Variants in TTC6 observed in about 807,000 individuals in gnomAD.
TTC6 encodes tetratricopeptide repeat protein 6.
TTC6 carries 172 observed loss-of-function variants against 210.4 expected under a neutral mutation model. The ratio of observed to expected loss-of-function variants is 0.82; its 90% CI spans 0.72 to 0.93. TTC6 has a LOEUF of 0.93. Among genes scored for constraint, TTC6 ranks in the 40% least tolerant of loss-of-function variants. The pLI is 0.00. For synonymous variants in TTC6, 804 were observed against 819.6 expected, an observed-to-expected ratio of 0.98 and a Z score of 0.32; for missense variants, 2,414 against 2,318.1, an observed-to-expected ratio of 1.04 and a Z score of -0.85.
rs112539010 is a variant in TTC6 at position 37,608,659 on chromosome 14, G to A, written c.-155+1917G>A. ...TTCATCCAATTGGAACTTATTTTGTGCGCAATATGAAGTAAAGACATGATT... is the reference window on the plus strand; with the variant it reads ...TTCATCCAATTGGAACTTATTTTGTACGCAATATGAAGTAAAGACATGATT... On this transcript the variant is annotated intron_variant, in intron 2 of 2. Transcript: ENST00000556845. 2.3e-3 allele frequency among the ~76,000 whole-genome samples: 352 copies of A among 152,242 alleles called. 4 individuals are homozygous for A. Among genetic ancestry groups the A allele is most frequent in the African/African-American group, 8.0e-3 (333 of 41,530 alleles).
chr14:37,704,284 G>A (rs912334447), intron 5 of TTC6, among the ~76,000 whole-genome samples: 17 of 152,090 alleles, frequency 1.1e-4, no homozygotes, highest in African/African-American at 4.1e-4. Flanking sequence ...CGAACTCCTA[G>A]CCTTAAGTGA....
intron 14 of TTC6, among the ~76,000 whole-genome samples, chr14:37,777,971 G>A (rs982827832): frequency 6.6e-5 from 10 of 152,130 alleles, no homozygotes; most frequent in African/African-American, 2.4e-4. Context: ...GGCCCCTTAA[G>A]TTGGGAACCT....
upstream of TTC6, among the ~76,000 whole-genome samples, chr14:37,619,979 A>G (rs554668065): frequency 6.6e-6 from 1 of 152,164 alleles, no homozygotes; most frequent in East Asian, 1.9e-4. Context: ...ATTTAGTTGA[A>G]TCTTTCTTCA....
At chr14:37,699,035 G>T (rs1022730556) in intron 4 of TTC6, among the ~76,000 whole-genome samples, 15 of 152,134 alleles carry the variant, frequency 9.9e-5, no homozygotes, top group African/African-American at 3.4e-4. Context: ...ATATTGAGTG[G>T]TCAGTGGACA....
At chr14:37,779,355 G>A (rs1398721581) in intron 14 of TTC6, among the ~76,000 whole-genome samples, 1 of 132,748 alleles carries the variant, frequency 7.5e-6, no homozygotes, top group African/African-American at 2.8e-5. Flanking sequence ...GTGACTAGTT[G>A]GCCTGCTTAG....
In TTC6 at chr14:37,731,626, A is replaced by C. The variant is rs186561165; in HGVS notation, c.1819-4295A>C. Among the ~76,000 whole-genome samples, 3 of 152,322 alleles carry C rather than the reference A, an allele frequency of 2.0e-5. No individual in the cohort carries two copies. The East Asian group carries it at 5.8e-4, about 29-fold the overall frequency. On this transcript the variant is annotated intron_variant, in intron 7 of 30. Transcript: ENST00000553443. ...GTTATTAGATGCATACAAATGAAGG[A>C]TTGTTAAACATTGTTTATGAGTCAA...
intron 1 of TTC6, among the ~76,000 whole-genome samples, chr14:37,643,489 T>TA (rs2095696039): frequency 6.6e-6 from 1 of 152,174 alleles, no homozygotes; most frequent in African/African-American, 2.4e-5. Context: ...CTTTGGATGT[T>TA]ATTTAAGGAG....
At chr14:37,609,409 C>G (rs1427997528) in intron 2 of TTC6, among the ~76,000 whole-genome samples, 2 of 152,106 alleles carry the variant, frequency 1.3e-5, no homozygotes, top group Non-Finnish European at 2.9e-5. Flanking sequence ...GAGTGAGACC[C>G]TGTCTCAATC....
chr14:37,705,663 A>T (rs373283827), intron 5 of TTC6, among the ~76,000 whole-genome samples: 4 of 152,172 alleles, frequency 2.6e-5, no homozygotes, highest in South Asian at 2.1e-4. Flanking sequence ...GGCATCTGCA[A>T]ACAGGAGAGA....
intron 1 of TTC6, among the ~76,000 whole-genome samples, chr14:37,667,953 A>G (rs996197762): frequency 6.7e-6 from 1 of 150,350 alleles, no homozygotes; most frequent in East Asian, 1.9e-4. Flanking sequence ...TGGCCAACAT[A>G]GTGAAACCCC....
At chr14:37,665,548 G>A (rs569092697) in intron 1 of TTC6, among the ~76,000 whole-genome samples, 1 of 150,242 alleles carries the variant, frequency 6.7e-6, no homozygotes, top group South Asian at 2.1e-4. Context: ...ATGGATGCTG[G>A]GCTTAATACC....
chr14:37,659,940 A>G (rs2095733700), intron 1 of TTC6, among the ~76,000 whole-genome samples: 1 of 152,026 alleles, frequency 6.6e-6, no homozygotes, highest in Admixed American at 6.6e-5. Context: ...CCCACTTTTT[A>G]ATAGAGCCGT....
intron 29 of TTC6, among the ~76,000 whole-genome samples, chr14:37,834,037 G>T (rs2096192147): frequency 6.6e-6 from 1 of 152,098 alleles, no homozygotes; most frequent in African/African-American, 2.4e-5. Context: ...TGGTTTATAG[G>T]ATTTCTGTGG....
chr14:37,827,181 A>T lies in TTC6; in HGVS notation c.5128-15A>T, dbSNP rs1254764522. 1 of 1,595,578 alleles carries T rather than the reference A, an allele frequency of 6.3e-7. No homozygotes were observed. The highest frequency in any genetic ancestry group is 2.3e-5 in the East Asian group (1 of 44,418). On this transcript the variant is annotated splice_polypyrimidine_tract_variant and intron_variant, in intron 28 of 30. Coordinates refer to ENST00000553443, the Ensembl canonical transcript of TTC6. ...CTATTCCCCAATGTTAAATAATCAT[A>T]ATATTATACTGCAGATCAGTACTAC...
At chr14:37,770,341 C>G (rs1011334801) in intron 14 of TTC6, among the ~76,000 whole-genome samples, 9 of 152,068 alleles carry the variant, frequency 5.9e-5, no homozygotes, top group Admixed American at 2.0e-4. Context: ...GAGCTGAGTT[C>G]AATTCCTGGG....
At chr14:37,788,910 G>T (rs1595268290) in intron 15 of TTC6, among the ~76,000 whole-genome samples, 1 of 152,030 alleles carries the variant, frequency 6.6e-6, no homozygotes, top group East Asian at 1.9e-4. Flanking sequence ...CTTTCTCTCT[G>T]ATCTTCCTCT....
chr14:37,622,790 G>A (rs1255574434), exon 1 of TTC6: 4 of 1,534,418 alleles, frequency 2.6e-6, no homozygotes, highest in African/African-American at 2.7e-5. Context: ...CGCGGGAAGC[G>A]GCGGGGTTAG....
chr14:37,608,735 G>A (rs1415723305), intron 2 of TTC6, among the ~76,000 whole-genome samples: 2 of 152,122 alleles, frequency 1.3e-5, no homozygotes, highest in Non-Finnish European at 2.9e-5. Flanking sequence ...CCCTAATTGT[G>A]GGGAGCCTCA....
At chr14:37,698,644 A>G (rs2095819227) in intron 4 of TTC6, among the ~76,000 whole-genome samples, 2 of 152,152 alleles carry the variant, frequency 1.3e-5, no homozygotes, top group Admixed American at 6.5e-5. Context: ...CCTCTTTCAC[A>G]TGAACACATT....
Sources: gnomAD v4.1 joint callset for allele counts (sites outside exome capture counted in the v4.1 genomes callset) on GRCh38, gnomAD v4.1.1 for gene constraint, MANE v1.5 for transcripts, NCBI Gene and HGNC (gene_info 2026-07-23, HGNC 2026-07-21) for gene names.